Variants in OR14I1 observed in about 807,000 individuals in gnomAD.
The protein encoded by OR14I1 is olfactory receptor 14I1.
For synonymous variants in OR14I1, 118 were observed against 71.1 expected, an observed-to-expected ratio of 1.66 and a Z score of -3.32; for missense variants, 279 against 181.8, an observed-to-expected ratio of 1.53 and a Z score of -3.07.
the OR14I1 span, among the ~76,000 whole-genome samples, chr1:248,694,059 C>T: frequency 6.6e-6 from 1 of 152,140 alleles, no homozygotes. Context: ...GGGCCCCAGC[C>T]AGGCACTGGA....
chr1:248,681,991 A>G (rs756019916), exon 1 of OR14I1: 1 of 781,036 alleles, frequency 1.3e-6, no homozygotes, highest in South Asian at 1.3e-5. Context: ...AGCAGATGCA[A>G]AGGCAGAGAA....
At chr1:248,679,611 C>A (rs1363666781), downstream of OR14I1, among the ~76,000 whole-genome samples, 1 of 152,132 alleles carries the variant, frequency 6.6e-6, no homozygotes, top group African/African-American at 2.4e-5. Context: ...TCCTTGACCT[C>A]AAGAACCCTG....
chr1:248,682,065 G>A, exon 1 of OR14I1: 4 of 781,110 alleles, frequency 5.1e-6, no homozygotes, highest in Non-Finnish European at 9.6e-6. Flanking sequence ...GGGAGTTACG[G>A]ATGGATTTAG....
the OR14I1 span, among the ~76,000 whole-genome samples, chr1:248,693,193 C>T: frequency 2.0e-5 from 3 of 152,226 alleles, no homozygotes; most frequent in African/African-American, 7.2e-5. Flanking sequence ...CAGCCTCCCA[C>T]GTCACCTGGG....
chr1:248,681,296 T>C (rs375050455), downstream of OR14I1: 31 of 595,880 alleles, frequency 5.2e-5, no homozygotes, highest in African/African-American at 5.7e-4. Context: ...TTTTTTCATC[T>C]TTTTTTGTCA....
At chr1:248,690,676 T>G in the OR14I1 span, among the ~76,000 whole-genome samples, 1 of 146,636 alleles carries the variant, frequency 6.8e-6, no homozygotes, top group Non-Finnish European at 1.5e-5. Flanking sequence ...GTACAGTTCC[T>G]TTTGAAACTA....
the OR14I1 span, among the ~76,000 whole-genome samples, chr1:248,694,533 C>G: frequency 1.3e-5 from 2 of 152,088 alleles, no homozygotes; most frequent in Non-Finnish European, 2.9e-5. Flanking sequence ...ATCAAATGCT[C>G]TACATCTTGT....
At chr1:248,700,657 T>C in the OR14I1 span, among the ~76,000 whole-genome samples, 1 of 152,250 alleles carries the variant, frequency 6.6e-6, no homozygotes, top group African/African-American at 2.4e-5. Flanking sequence ...TTGGAATTTT[T>C]AAACAAGAGG....
At chr1:248,686,088 A>T (rs187969169), upstream of OR14I1, among the ~76,000 whole-genome samples, 212 of 152,264 alleles carry the variant, frequency 1.4e-3, 1 homozygote, top group African/African-American at 4.9e-3. Context: ...ATAAGTTGAA[A>T]ATTTTGAATA....
At chr1:248,679,045 T>C (rs1453848052), downstream of OR14I1, among the ~76,000 whole-genome samples, 1 of 152,222 alleles carries the variant, frequency 6.6e-6, no homozygotes, top group Admixed American at 6.5e-5. Flanking sequence ...TAGATCCTGA[T>C]CCTTGTAACT....
At chr1:248,700,429 A>G in the OR14I1 span, among the ~76,000 whole-genome samples, 2 of 152,258 alleles carry the variant, frequency 1.3e-5, no homozygotes, top group South Asian at 2.1e-4. Flanking sequence ...TAGTTGTGCA[A>G]TACAAGAACA....
the OR14I1 span, among the ~76,000 whole-genome samples, chr1:248,701,582 G>A: frequency 3.3e-5 from 5 of 152,298 alleles, no homozygotes; most frequent in South Asian, 1.0e-3. Context: ...TTCAATTTTT[G>A]TGATAACTTT....
the OR14I1 span, among the ~76,000 whole-genome samples, chr1:248,696,053 C>T: frequency 6.6e-6 from 1 of 152,160 alleles, no homozygotes; most frequent in African/African-American, 2.4e-5. Context: ...ACTCCCCACT[C>T]CCACCACCTC....
chr1:248,692,066 C>G, the OR14I1 span: 1 of 152,398 alleles, frequency 6.6e-6, no homozygotes, highest in Non-Finnish European at 1.5e-5. Context: ...GCGGGCCCGG[C>G]CGCCTGGGCG....
At chr1:248,702,739 G>A in the OR14I1 span, among the ~76,000 whole-genome samples, 615 of 152,020 alleles carry the variant, frequency 4.0e-3, 6 homozygotes, top group South Asian at 0.026. Context: ...GAATGATGTG[G>A]GCCTGCTGTT....
chr1:248,683,811 A>C (rs141988024), upstream of OR14I1, among the ~76,000 whole-genome samples: 720 of 152,346 alleles, frequency 4.7e-3, 6 homozygotes, highest in South Asian at 0.013. Flanking sequence ...AGGTAGGTGG[A>C]TCACCTGAGG....
chr1:248,695,304 G>A, the OR14I1 span, among the ~76,000 whole-genome samples: 9 of 148,654 alleles, frequency 6.1e-5, no homozygotes, highest in African/African-American at 2.3e-4. Flanking sequence ...TGCAATCTCG[G>A]CTCACTGCAA....
At chr1:248,680,967 C>CGTGTGTGTGTGTGT (rs34495040), downstream of OR14I1, among the ~76,000 whole-genome samples, 175 of 147,218 alleles carry the variant, frequency 1.2e-3, 2 homozygotes, top group East Asian at 7.0e-3. Flanking sequence ...AAACTGTGTG[C>CGTGTGTGTGTGTGT]GTGTGTGTGT....
At chr1:248,694,400 G>A in the OR14I1 span, among the ~76,000 whole-genome samples, 1 of 151,864 alleles carries the variant, frequency 6.6e-6, no homozygotes, top group African/African-American at 2.4e-5. Context: ...ACCCTCTTCA[G>A]CCCCCAACAC....
Sources: allele counts gnomAD v4.1 joint callset (sites outside exome capture counted in the v4.1 genomes callset), GRCh38; gene constraint gnomAD v4.1.1; transcripts MANE v1.5; gene names NCBI Gene and HGNC (gene_info 2026-07-23, HGNC 2026-07-21).